Variants in NRG3 observed in about 807,000 individuals in gnomAD.
The protein encoded by NRG3 is pro-neuregulin-3, membrane-bound isoform.
A neutral mutation model predicts 66.9 loss-of-function variants in NRG3; 31 were observed. That is an observed-to-expected ratio of 0.46 (90% CI 0.35 to 0.63). The LOEUF (loss-of-function observed/expected upper bound fraction) is 0.63. Among genes scored for constraint, NRG3 ranks in the 20% least tolerant of loss-of-function variants. The probability of loss-of-function intolerance (pLI) is 0.00; values close to 1 mark genes in which losing one functional copy is unlikely to be tolerated. For synonymous variants in NRG3, 393 were observed against 359.4 expected, an observed-to-expected ratio of 1.09 and a Z score of -1.06; for missense variants, 910 against 878.9, an observed-to-expected ratio of 1.04 and a Z score of -0.45.
intron 2 of NRG3, among the ~76,000 whole-genome samples, chr10:82,616,750 A>G (rs998806304): frequency 1.3e-5 from 2 of 152,154 alleles, no homozygotes; most frequent in African/African-American, 4.8e-5. Flanking sequence ...GTTTGCTTCT[A>G]TATTCTGTAC....
At chr10:81,951,793 A>C (rs1849377839) in intron 1 of NRG3, among the ~76,000 whole-genome samples, 1 of 152,232 alleles carries the variant, frequency 6.6e-6, no homozygotes, top group African/African-American at 2.4e-5. Context: ...AAGGATTATA[A>C]ATCATGCTGC....
chr10:82,540,798 A>T (rs186695475), intron 2 of NRG3, among the ~76,000 whole-genome samples: 1 of 152,292 alleles, frequency 6.6e-6, no homozygotes, highest in African/African-American at 2.4e-5. Flanking sequence ...TTGGCTTGAG[A>T]TTGAAGGTAT....
In NRG3 at chr10:82,280,160, A is replaced by G. The variant is rs767265288; in HGVS notation, c.824-78579A>G. 8.1e-4 allele frequency among the ~76,000 whole-genome samples: 121 copies of G among 148,928 alleles called. 7 individuals carry two copies. The highest frequency in any genetic ancestry group is 3.4e-3 in the Middle Eastern group (1 of 290). ...ACATCTAAGAACCTCTCTTCCCCCT[A>G]TCCAATCAAAGAGAAAAGCTGAAAA... On this transcript the variant is annotated intron_variant, in intron 1 of 8. Coordinates refer to ENST00000372141, the MANE Select transcript of NRG3 (RefSeq NM_001010848.4).
intron 1 of NRG3, among the ~76,000 whole-genome samples, chr10:82,179,978 G>A (rs2073302731): frequency 6.6e-6 from 1 of 151,526 alleles, no homozygotes; most frequent in South Asian, 2.1e-4. Flanking sequence ...TTATTCCTAA[G>A]TGTTTTATTA....
chr10:82,819,845 T>A (rs1328919424), intron 3 of NRG3, among the ~76,000 whole-genome samples: 1 of 152,106 alleles, frequency 6.6e-6, no homozygotes. Context: ...TGAAAGAGAA[T>A]CCCCAAGGCT....
intron 2 of NRG3, among the ~76,000 whole-genome samples, chr10:82,390,830 G>A (rs1296369595): frequency 6.6e-6 from 1 of 152,146 alleles, no homozygotes; most frequent in Non-Finnish European, 1.5e-5. Context: ...AGTGCATAGT[G>A]GCAGAAGAGA....
intron 1 of NRG3, among the ~76,000 whole-genome samples, chr10:82,073,297 G>A (rs749994434): frequency 9.2e-5 from 14 of 152,220 alleles, no homozygotes; most frequent in Non-Finnish European, 1.8e-4. Context: ...TTAGAGATGC[G>A]TGAGATCGGG....
intron 1 of NRG3, among the ~76,000 whole-genome samples, chr10:82,313,361 AAAAT>A (rs200171078): frequency 0.013 from 1,960 of 152,132 alleles, 18 homozygotes; most frequent in Non-Finnish European, 0.02. Flanking sequence ...ATACAAATAA[AAAAT>A]AAATAAATAA....
chr10:82,601,747 C>T (rs2047642991), intron 2 of NRG3, among the ~76,000 whole-genome samples: 1 of 150,546 alleles, frequency 6.6e-6, no homozygotes, highest in African/African-American at 2.4e-5. Flanking sequence ...TGGTGGCTCA[C>T]ACATGTAATC....
chr10:82,576,996 T>C (rs2046069279), intron 2 of NRG3, among the ~76,000 whole-genome samples: 1 of 151,824 alleles, frequency 6.6e-6, no homozygotes, highest in South Asian at 2.1e-4. Flanking sequence ...TTGCCAGTTC[T>C]ATGCTTTGGT....
chr10:82,250,973 G>A (rs1164350385), intron 1 of NRG3, among the ~76,000 whole-genome samples: 1 of 152,196 alleles, frequency 6.6e-6, no homozygotes, highest in Non-Finnish European at 1.5e-5. Flanking sequence ...GTTCTGGCTT[G>A]CAAGTATTTA....
chr10:82,914,320 A>AT (rs371089871), intron 4 of NRG3, among the ~76,000 whole-genome samples: 5 of 151,326 alleles, frequency 3.3e-5, no homozygotes, highest in African/African-American at 4.9e-5. Flanking sequence ...TTCAGATTTA[A>AT]TTTTTTTTTC....
intron 1 of NRG3, among the ~76,000 whole-genome samples, chr10:82,030,370 T>A (rs1304605646): frequency 6.6e-6 from 1 of 152,092 alleles, no homozygotes; most frequent in Non-Finnish European, 1.5e-5. Context: ...AAGGAGAGAA[T>A]TCAGGAAACA....
intron 7 of NRG3, among the ~76,000 whole-genome samples, chr10:82,975,815 A>T (rs1393986487): frequency 6.6e-6 from 1 of 152,202 alleles, no homozygotes; most frequent in African/African-American, 2.4e-5. Context: ...ACAGGTCACT[A>T]GTTCATACTG....
chr10:82,067,121 A>C (rs1328197069), intron 1 of NRG3, among the ~76,000 whole-genome samples: 1 of 152,172 alleles, frequency 6.6e-6, no homozygotes, highest in African/African-American at 2.4e-5. Context: ...CAAATATAAC[A>C]AACCCCAAAA....
At chr10:82,680,643 G>A (rs560718565) in intron 2 of NRG3, among the ~76,000 whole-genome samples, 13 of 152,202 alleles carry the variant, frequency 8.5e-5, no homozygotes, top group Non-Finnish European at 1.5e-4. Context: ...TTTATGAATC[G>A]CTGTTGATCA....
intron 2 of NRG3, among the ~76,000 whole-genome samples, chr10:82,670,743 A>AAACC (rs764223906): frequency 3.6e-4 from 55 of 152,152 alleles, no homozygotes; most frequent in Admixed American, 2.4e-3. Flanking sequence ...AAAACAAAAC[A>AAACC]AAACAAAAAC....
chr10:82,252,578 C>A lies in NRG3; in HGVS notation c.824-106161C>A, dbSNP rs573965317. On this transcript the variant is annotated intron_variant, in intron 1 of 8. Coordinates refer to ENST00000372141, the MANE Select transcript of NRG3 (RefSeq NM_001010848.4). ...GAAAACTTGTGTGACATATCTGGTA[C>A]AGTATTGCTCCTAATGATACTAATA... Among the ~76,000 whole-genome samples the A allele has an allele frequency of 8.6e-3, 1,305 of 152,222 alleles. 12 individuals carry two copies. Among genetic ancestry groups the A allele is most frequent in the African/African-American group, 0.03 (1,229 of 41,536 alleles).
intron 1 of NRG3, among the ~76,000 whole-genome samples, chr10:82,170,761 T>A (rs2072543183): frequency 7.2e-6 from 1 of 138,968 alleles, no homozygotes. Flanking sequence ...ACAAATAGAG[T>A]CAGCTTTTTC....
Sources: gnomAD v4.1 joint callset for allele counts (sites outside exome capture counted in the v4.1 genomes callset) on GRCh38, gnomAD v4.1.1 for gene constraint, MANE v1.5 for transcripts, NCBI Gene and HGNC (gene_info 2026-07-23, HGNC 2026-07-21) for gene names.